TRIM9: variants seen among roughly 807,000 people sequenced by gnomAD.
TRIM9 encodes tripartite motif containing 9, also known as E3 ubiquitin-protein ligase TRIM9.
A neutral mutation model predicts 78.3 loss-of-function variants in TRIM9; 26 were observed. The ratio of observed to expected loss-of-function variants is 0.33; its 90% CI spans 0.24 to 0.46. The LOEUF is 0.46. Ranked by LOEUF, TRIM9 falls within the 20% of genes least tolerant of loss-of-function variation. TRIM9 has a pLI of 1.00. For missense variants in TRIM9, 787 were observed against 1,036.4 expected, an observed-to-expected ratio of 0.76 and a Z score of 3.30; for synonymous variants, 398 against 416.5, an observed-to-expected ratio of 0.96 and a Z score of 0.54.
intron 1 of TRIM9, among the ~76,000 whole-genome samples, chr14:51,046,774 C>T (rs531856098): frequency 6.6e-6 from 1 of 152,176 alleles, no homozygotes; most frequent in Non-Finnish European, 1.5e-5. Flanking sequence ...TCTATACCTT[C>T]GTTTCCTTCT....
At chr14:51,027,025 C>G (rs1443213055) in intron 1 of TRIM9, among the ~76,000 whole-genome samples, 1 of 151,620 alleles carries the variant, frequency 6.6e-6, no homozygotes, top group African/African-American at 2.4e-5. Flanking sequence ...GAATACTATT[C>G]TTGGGTTTTG....
intron 1 of TRIM9, among the ~76,000 whole-genome samples, chr14:51,092,241 TG>T (rs1350550845): frequency 6.6e-6 from 1 of 152,218 alleles, no homozygotes; most frequent in African/African-American, 2.4e-5. Context: ...AACAGTGGTG[TG>T]TGCCCAGTTA....
chr14:51,016,050 C>T (rs1345006444), intron 3 of TRIM9, among the ~76,000 whole-genome samples: 5 of 152,254 alleles, frequency 3.3e-5, no homozygotes, highest in Admixed American at 6.5e-5. Context: ...ATTGATTCCA[C>T]GATTCCCTGA....
At chr14:51,083,624 A>C (rs1386646807) in intron 1 of TRIM9, among the ~76,000 whole-genome samples, 1 of 150,646 alleles carries the variant, frequency 6.6e-6, no homozygotes. Context: ...ATTGGTTCCT[A>C]TTCAAAAAGT....
At chr14:51,048,521 T>G (rs12434077) in intron 1 of TRIM9, among the ~76,000 whole-genome samples, 29,809 of 152,138 alleles carry the variant, frequency 0.2, 3,297 homozygotes, top group Non-Finnish European at 0.25. Flanking sequence ...TAATTACTAG[T>G]GACATAAAGG....
intron 1 of TRIM9, among the ~76,000 whole-genome samples, chr14:51,077,972 C>G (rs1466665244): frequency 6.6e-6 from 1 of 152,218 alleles, no homozygotes; most frequent in Non-Finnish European, 1.5e-5. Context: ...AGAAATCTCC[C>G]TCACTGTGTG....
chr14:51,009,115 T>C lies in TRIM9; in HGVS notation c.1271A>G (p.Gln424Arg). The C allele has an allele frequency of 6.2e-7, 1 of 1,614,090 alleles. No individual in the cohort carries two copies. ...CACGAAATCCAGCTGGTGGATGGAT[T>C]GCAGCAGAGGGCTGTTGTCCAGACT... ...DLSLDNSPLL[Q>R]SIHQLDFVQV... The change falls in exon 5 of 13, where the codon CAA (glutamine) becomes CGA (arginine). Residue 424 changes from glutamine (Q) to arginine (R), a missense_variant. This residue lies in a region of TRIM9 where 421 missense variants were observed against 514.3 expected (regional missense o/e 0.82). Coordinates refer to ENST00000684578, the MANE Select transcript of TRIM9 (RefSeq NM_001387360.1).
At chr14:51,006,784 G>A (rs1596154218) in intron 5 of TRIM9, among the ~76,000 whole-genome samples, 1 of 152,176 alleles carries the variant, frequency 6.6e-6, no homozygotes, top group East Asian at 1.9e-4. Context: ...AGGGTTCTGC[G>A]TTTTGGCCCT....
At chr14:51,028,862 G>T (rs1163290378) in intron 1 of TRIM9, among the ~76,000 whole-genome samples, 10 of 152,100 alleles carry the variant, frequency 6.6e-5, no homozygotes, top group Non-Finnish European at 1.0e-4. Context: ...CTGAAGGAGA[G>T]AAACAAAGAA....
At chr14:51,090,703 TCTC>T (rs1319656009) in intron 1 of TRIM9, 1 of 152,254 alleles carries the variant, frequency 6.6e-6, no homozygotes, top group African/African-American at 2.4e-5. Flanking sequence ...TTCAAGCAAT[TCTC>T]CTGCCTCAGC....
intron 1 of TRIM9, among the ~76,000 whole-genome samples, chr14:51,067,040 T>C (rs1469016113): frequency 6.6e-6 from 1 of 152,200 alleles, no homozygotes; most frequent in Non-Finnish European, 1.5e-5. Flanking sequence ...CACATCTGAC[T>C]TCTTCCTTGA....
At chr14:50,996,808 T>C (rs1470327108) in intron 7 of TRIM9, 6 of 985,322 alleles carry the variant, frequency 6.1e-6, no homozygotes, top group African/African-American at 1.7e-5. Flanking sequence ...TGGGAACAGG[T>C]CATGTGGGCA....
chr14:51,011,976 C>G (rs1030186075), intron 3 of TRIM9, among the ~76,000 whole-genome samples: 1 of 152,172 alleles, frequency 6.6e-6, no homozygotes, highest in Admixed American at 6.5e-5. Context: ...TTCCTGTTCT[C>G]TTATTATTGG....
In TRIM9 at chr14:50,979,507, G is replaced by A; in HGVS notation, c.2205C>T (p.Leu735=). 2 of 1,614,128 alleles carry A rather than the reference G, an allele frequency of 1.2e-6. No homozygotes were observed. The highest frequency in any genetic ancestry group is 4.5e-5 in the East Asian group (2 of 44,872). Residue 735 remains leucine, a synonymous_variant, in exon 12 of 13, where the codon CTC becomes CTT. Coordinates refer to ENST00000684578, the MANE Select transcript of TRIM9 (RefSeq NM_001387360.1). ...TCAAGTTTTTTCTATTTAAGTCGAG[G>A]AGGACCCCAATTGTGGCCCCTTTTG... ...GITKGATIGV[L]LDLNRKNLTF... is the part of the protein sequence containing the mutation.
chr14:51,073,350 A>G (rs954829465), intron 1 of TRIM9, among the ~76,000 whole-genome samples: 6 of 152,242 alleles, frequency 3.9e-5, no homozygotes, highest in African/African-American at 1.4e-4. Context: ...CAGGTGCTAT[A>G]ATGTTTATAG....
intron 1 of TRIM9, among the ~76,000 whole-genome samples, chr14:51,040,273 T>G (rs1305606815): frequency 6.6e-6 from 1 of 152,168 alleles, no homozygotes; most frequent in Non-Finnish European, 1.5e-5. Flanking sequence ...TTGACTGAAT[T>G]TTCTTTAATA....
intron 1 of TRIM9, among the ~76,000 whole-genome samples, chr14:51,056,061 C>T (rs1022657691): frequency 6.6e-6 from 1 of 152,200 alleles, no homozygotes; most frequent in Non-Finnish European, 1.5e-5. Flanking sequence ...CAATACTTCA[C>T]CCATGTCTCT....
At chr14:51,003,127 G>A (rs546630691) in intron 5 of TRIM9, among the ~76,000 whole-genome samples, 2 of 152,280 alleles carry the variant, frequency 1.3e-5, no homozygotes, top group Non-Finnish European at 2.9e-5. Context: ...CCCAGGAGTC[G>A]TAATTGCAGG....
At chr14:51,000,266 T>C (rs2054797014) in intron 6 of TRIM9, among the ~76,000 whole-genome samples, 1 of 152,228 alleles carries the variant, frequency 6.6e-6, no homozygotes, top group Admixed American at 6.5e-5. Context: ...TGCTATGTTC[T>C]AGGCAGCATG....
Sources: allele counts gnomAD v4.1 joint callset (sites outside exome capture counted in the v4.1 genomes callset), GRCh38; gene constraint gnomAD v4.1.1; regional missense constraint gnomAD v4.1.1; transcripts MANE v1.5; gene names NCBI Gene and HGNC (gene_info 2026-07-23, HGNC 2026-07-21).